TOPORS: variants seen among roughly 807,000 people sequenced by gnomAD.
TOPORS encodes the protein E3 ubiquitin-protein ligase Topors.
Under a neutral mutation model 81.4 loss-of-function variants are expected in TOPORS, and 25 were observed. The observed-to-expected ratio is 0.31, with a 90% CI of 0.22 to 0.43. The LOEUF is 0.43. Ranked by LOEUF, TOPORS falls within the 20% of genes least tolerant of loss-of-function variation. The pLI, the probability that TOPORS is intolerant of heterozygous loss-of-function variation, is 1.00. For synonymous variants in TOPORS, 473 were observed against 456.6 expected (o/e 1.04, Z -0.46); for missense variants, 1,101 against 1,267.0 (o/e 0.87, Z 1.99).
At chr9:32,551,165 G>A in intron 1 of TOPORS, 197 bp from the exon 2 acceptor site, 2 of 665,464 alleles carry the variant, frequency 3.0e-6, no homozygotes, top group Non-Finnish European at 2.6e-6. Flanking sequence ...AGACCCCGGA[G>A]GAGGGCAGCG....
chr9:32,549,160 A>G (rs1371631819), intron 2 of TOPORS, among the ~76,000 whole-genome samples: 1 of 152,080 alleles, frequency 6.6e-6, no homozygotes, highest in Non-Finnish European at 1.5e-5. Flanking sequence ...ACAAAAAATT[A>G]GCTGGGCGTA....
intron 2 of TOPORS, among the ~76,000 whole-genome samples, chr9:32,548,608 A>G (rs1821174811): frequency 6.6e-6 from 1 of 152,204 alleles, no homozygotes; most frequent in South Asian, 2.1e-4. Context: ...GGTAGACCCG[A>G]TGAAAAACAC....
chr9:32,547,519 A>G (rs1343441471), intron 2 of TOPORS, among the ~76,000 whole-genome samples: 1 of 152,242 alleles, frequency 6.6e-6, no homozygotes, highest in Non-Finnish European at 1.5e-5. Context: ...ATTTGGCAAT[A>G]AAAAGGAACA....
intron 2 of TOPORS, among the ~76,000 whole-genome samples, chr9:32,546,378 T>C (rs1348748188): frequency 6.6e-6 from 1 of 152,110 alleles, no homozygotes; most frequent in Non-Finnish European, 1.5e-5. Context: ...CAGAGAAAAG[T>C]TGGGAGGGAA....
rs980498931 is a variant in TOPORS at position 32,542,212 on chromosome 9, G to C, written c.2313C>G (p.Ser771Arg). ...CAGTCCTTGATCTGTTACTAGACAG[G>C]CTCCTTGATCTGTGCCTTTCATAGT... ...YYYYERHRSRSLSSNRSRTAS... is the reference protein window; with the variant it reads ...YYYYERHRSRRLSSNRSRTAS... Residue 771 changes from serine (S) to arginine (R), a missense_variant, in exon 3 of 3, where the codon AGC becomes AGG. By Grantham distance (110) the Ser-to-Arg change is moderately radical (BLOSUM62 -1). Around this residue, in one of 9 missense-constraint regions of TOPORS, gnomAD observed 605 missense variants for 636.1 expected, o/e 0.95. Transcript: ENST00000360538. 3 of 1,614,020 alleles carry C rather than the reference G, an allele frequency of 1.9e-6. No homozygotes were observed. In the African/African-American group the frequency reaches 4.0e-5, roughly 22 times the overall value.
chr9:32,547,999 A>ATTAT lies in TOPORS; in HGVS notation c.198+2774_198+2775insATAA, dbSNP rs1821163077. 4.8e-5 allele frequency among the ~76,000 whole-genome samples: 4 copies of ATTAT among 83,714 alleles called. No homozygotes were observed. The South Asian group carries it at 1.8e-3, about 37-fold the overall frequency. The allele number at this position is 83,714 out of a possible 152,430, so 54.9% of individuals were successfully genotyped here. ...ACAGGCGCCCGCCACCACGCTCGGC[A>ATTAT]TTTTTTTTTTTTTTTTTTTTTTTTG... On this transcript the variant is annotated intron_variant, in intron 2 of 2. Transcript: ENST00000360538.
At chr9:32,551,417 A>C in intron 1 of TOPORS, 1 of 318,172 alleles carries the variant, frequency 3.1e-6, no homozygotes, top group East Asian at 8.4e-5. Flanking sequence ...GGGATCCCAA[A>C]CCAGAGCCCA....
At chr9:32,548,698 G>A (rs1391369708) in intron 2 of TOPORS, among the ~76,000 whole-genome samples, 2 of 152,272 alleles carry the variant, frequency 1.3e-5, no homozygotes, top group African/African-American at 4.8e-5. Flanking sequence ...TTCCTCACAG[G>A]AGACAATCAG....
At position 32,550,794 on chromosome 9, in the gene TOPORS, G is replaced by A; in HGVS notation, c.178C>T (p.Pro60Ser). Residue 60 changes from proline to serine, a missense_variant, in exon 2 of 3, where the codon CCT (proline) becomes TCT (serine). Pro to Ser is a moderately conservative substitution (Grantham distance 74, BLOSUM62 -1). This residue lies in a region of TOPORS where 131 missense variants were observed against 101.0 expected (regional missense o/e 1.30). Transcript: ENST00000360538. ...CTCACCTCGGAGGATGCCGGCGCAG[G>A]CCTGGCTGGGGCGCTCGCCGCGAGC... Reference protein sequence around the residue: ...RELAASAPARPAPASSEIMAS... With the variant: ...RELAASAPARSAPASSEIMAS... 1 of 1,612,830 alleles carries A rather than the reference G, an allele frequency of 6.2e-7. No homozygotes were observed. Among genetic ancestry groups the A allele is most frequent in the African/African-American group, 1.3e-5 (1 of 75,036 alleles).
At position 32,542,320 on chromosome 9, in the gene TOPORS, T is replaced by C. The variant is rs1288628481; in HGVS notation, c.2205A>G (p.Ser735=). ...LSRAHYSRQS[S]SPEFRVQSFS... is the part of the protein sequence containing the mutation. ...AGGACTGAACTCTAAATTCTGGACT[T>C]GAAGACTGTCTAGAATAATGAGCTC... Residue 735 remains serine (S), a synonymous_variant, in exon 3 of 3, where the codon TCA becomes TCG. Coordinates refer to ENST00000360538, the MANE Select transcript of TOPORS (RefSeq NM_005802.5). The C allele has an allele frequency of 5.6e-6, 9 of 1,614,182 alleles. No homozygotes were observed. Among genetic ancestry groups the C allele is most frequent in the Admixed American group, 1.7e-5 (1 of 60,024 alleles).
At chr9:32,551,427 A>G in intron 1 of TOPORS, 1 of 320,294 alleles carries the variant, frequency 3.1e-6, no homozygotes, top group South Asian at 2.6e-5. Context: ...ACCAGAGCCC[A>G]ACCAGTATCC....
Position 32,550,906 on chromosome 9 carries a change from A to G in TOPORS, c.66T>C (p.Ala22=), listed in dbSNP as rs1315188689. 6.2e-7 allele frequency: 1 copy of G among 1,612,792 alleles called. No homozygotes were observed. Among genetic ancestry groups the G allele is most frequent in the East Asian group, 2.2e-5 (1 of 44,872 alleles). ...TTCTCCGCCTACCCTCCGAAGCGGGAGCAGGCGGGGGCGCTTCACCCTCCT... is the reference window on the plus strand; with the variant it reads ...TTCTCCGCCTACCCTCCGAAGCGGGGGCAGGCGGGGGCGCTTCACCCTCCT... ...SREEGEAPPP[A]PASEGRRRSR... Residue 22 remains alanine (A), a synonymous_variant, in exon 2 of 3, where the codon GCT becomes GCC. Coordinates refer to ENST00000360538, the MANE Select transcript of TOPORS (RefSeq NM_005802.5).
chr9:32,549,100 G>A (rs1821181955), intron 2 of TOPORS, among the ~76,000 whole-genome samples: 1 of 152,080 alleles, frequency 6.6e-6, no homozygotes, highest in Non-Finnish European at 1.5e-5. Context: ...ACAAGGTCAG[G>A]AGATCGAGAC....
In TOPORS at chr9:32,543,467, T is replaced by C. The variant is rs2118968557; in HGVS notation, c.1058A>G (p.His353Arg). 1 of 1,613,900 alleles carries C rather than the reference T, an allele frequency of 6.2e-7. No homozygotes were observed. The highest frequency in any genetic ancestry group is 8.5e-7 in the Non-Finnish European group (1 of 1,179,984). ...AGATCGGGCAAAACTGATAAATTCA[T>C]GTATAAAATGCTCAGTTCGATTAAG... ...FLLNRTEHFIHEFISFARSPF... is the reference protein window; with the variant it reads ...FLLNRTEHFIREFISFARSPF... Residue 353 changes from histidine (H) to arginine (R), a missense_variant, in exon 3 of 3, where the codon CAT becomes CGT. This residue lies in a region of TOPORS where 69 missense variants were observed against 153.6 expected (regional missense o/e 0.45). Transcript: ENST00000360538. This position sits in a 1 kb window ranked among gnomAD's most constrained non-coding sequence, Gnocchi z 5.6.
chr9:32,541,654 A>C lies in TOPORS; in HGVS notation c.2871T>G (p.Ala957=). 6.2e-7 allele frequency: 1 copy of C among 1,614,192 alleles called. No homozygotes were observed. The highest frequency in any genetic ancestry group is 8.5e-7 in the Non-Finnish European group (1 of 1,180,032). ...FETKDVVTIE[A]EFGVLDKECD... is the part of the protein sequence containing the mutation. The stretch of plus-strand genomic sequence containing the variant: ...ATTCCTTGTCCAGCACACCAAATTC[A>C]GCTTCTATTGTAACTACATCTTTAG... Residue 957 remains alanine (A), a synonymous_variant, in exon 3 of 3, where the codon GCT becomes GCG. Coordinates refer to ENST00000360538, the MANE Select transcript of TOPORS (RefSeq NM_005802.5).
At chr9:32,549,602 C>A (rs947595008) in intron 2 of TOPORS, among the ~76,000 whole-genome samples, 3 of 152,144 alleles carry the variant, frequency 2.0e-5, no homozygotes, top group Non-Finnish European at 2.9e-5. Context: ...CTCTATGTTA[C>A]GTGAACACGA....
intron 1 of TOPORS, chr9:32,551,291 ACT>A (rs1821252457): frequency 1.4e-5 from 7 of 496,688 alleles, no homozygotes; most frequent in Admixed American, 1.3e-4. Flanking sequence ...ACCTTACCAA[ACT>A]CTGCGGAAAC....
intron 2 of TOPORS, among the ~76,000 whole-genome samples, chr9:32,545,776 A>G (rs62572261): frequency 0.37 from 55,760 of 151,784 alleles, 11,349 homozygotes; most frequent in South Asian, 0.47. Context: ...ACAAACAACA[A>G]CAAAAAACTA....
intron 2 of TOPORS, among the ~76,000 whole-genome samples, chr9:32,548,600 T>C (rs1171153250): frequency 6.6e-6 from 1 of 152,036 alleles, no homozygotes; most frequent in Non-Finnish European, 1.5e-5. Context: ...GTAGCAAAGG[T>C]AGACCCGATG....
Sources: allele counts gnomAD v4.1 joint callset (sites outside exome capture counted in the v4.1 genomes callset), GRCh38; gene constraint gnomAD v4.1.1; regional missense constraint gnomAD v4.1.1; non-coding constraint Gnocchi (gnomAD v3.1); transcripts MANE v1.5; gene names NCBI Gene and HGNC (gene_info 2026-07-23, HGNC 2026-07-21).